Variants in RGS6 observed in about 807,000 individuals in gnomAD.
RGS6 encodes the protein regulator of G-protein signaling 6.
A neutral mutation model predicts 78.5 loss-of-function variants in RGS6; 30 were observed. The ratio of observed to expected loss-of-function variants is 0.38; its 90% confidence interval spans 0.29 to 0.52. RGS6 has a LOEUF of 0.52. Among genes scored for constraint, RGS6 ranks in the 20% least tolerant of loss-of-function variants. The pLI is 0.85. For missense variants in RGS6, 495 were observed against 609.7 expected (o/e 0.81, Z 1.98); for synonymous variants, 206 against 206.0 (o/e 1.00, Z 0.00).
intron 3 of RGS6, among the ~76,000 whole-genome samples, chr14:72,352,988 A>C (rs2079430386): frequency 6.6e-6 from 1 of 152,220 alleles, no homozygotes; most frequent in South Asian, 2.1e-4. Flanking sequence ...GAACCAAAGG[A>C]CTTAGTTTTC....
At chr14:72,546,943 C>T (rs1046642582) in intron 17 of RGS6, among the ~76,000 whole-genome samples, 14 of 152,194 alleles carry the variant, frequency 9.2e-5, no homozygotes, top group Non-Finnish European at 1.6e-4. Context: ...GGTGCTCTCA[C>T]TTTACAAGCG....
At chr14:72,033,761 G>A (rs923361311) in intron 2 of RGS6, among the ~76,000 whole-genome samples, 2 of 152,130 alleles carry the variant, frequency 1.3e-5, no homozygotes, top group African/African-American at 4.8e-5. Flanking sequence ...ATATCTAAGG[G>A]CAGGATTGCT....
chr14:72,520,532 C>A (rs1167264148), intron 15 of RGS6, among the ~76,000 whole-genome samples: 3 of 152,212 alleles, frequency 2.0e-5, no homozygotes, highest in African/African-American at 7.2e-5. Context: ...TACAAAACAA[C>A]AACGTACTAA....
chr14:72,409,691 C>G (rs918819222), intron 3 of RGS6, among the ~76,000 whole-genome samples: 2 of 151,994 alleles, frequency 1.3e-5, no homozygotes, highest in Admixed American at 1.3e-4. Flanking sequence ...TTAGGTATAT[C>G]TCTCAGTGCT....
Position 71,971,006 on chromosome 14 carries a change from C to T in RGS6, c.84+6131C>T, listed in dbSNP as rs111615093. Among the ~76,000 whole-genome samples, 1,087 of 152,194 alleles carry T rather than the reference C, an allele frequency of 7.1e-3. 15 individuals carry two copies. The highest frequency in any genetic ancestry group is 0.025 in the African/African-American group (1,028 of 41,504). The stretch of plus-strand genomic sequence containing the variant: ...CTGTAAAAGAGCAGATTTGTGATGT[C>T]GTATACCGAGTTCAGGAGACTTTAA... On this transcript the variant is annotated intron_variant, in intron 2 of 17. Coordinates refer to ENST00000553525, the MANE Select transcript of RGS6 (RefSeq NM_001204424.2).
intron 2 of RGS6, among the ~76,000 whole-genome samples, chr14:72,137,320 A>G (rs114976684): frequency 3.9e-5 from 6 of 152,168 alleles, no homozygotes; most frequent in African/African-American, 9.7e-5. Context: ...GGAGAAACCA[A>G]ACTGCTTTTT....
chr14:72,137,301 T>G (rs2096459755), intron 2 of RGS6, among the ~76,000 whole-genome samples: 1 of 152,182 alleles, frequency 6.6e-6, no homozygotes, highest in African/African-American at 2.4e-5. Context: ...AACCCTATTG[T>G]AAGAGACAGG....
At chr14:71,956,330 AGTGTGTGT>A (rs113351320) in intron 1 of RGS6, among the ~76,000 whole-genome samples, 9 of 74,356 alleles carry the variant, frequency 1.2e-4, no homozygotes, top group Admixed American at 6.7e-4. Context: ...CAGAACTAAT[AGTGTGTGT>A]GTGTGTGTGT....
At chr14:72,446,324 A>G (rs1238303586) in intron 3 of RGS6, among the ~76,000 whole-genome samples, 1 of 152,222 alleles carries the variant, frequency 6.6e-6, no homozygotes, top group Non-Finnish European at 1.5e-5. Context: ...GCAAACTAAT[A>G]TAGAAGAGGA....
intron 17 of RGS6, among the ~76,000 whole-genome samples, chr14:72,561,541 C>T (rs192349174): frequency 3.3e-5 from 5 of 152,328 alleles, no homozygotes; most frequent in East Asian, 1.9e-4. Context: ...GCTCGTGCCC[C>T]TCACCCTCCT....
chr14:72,530,638 C>T (rs1191830280), intron 15 of RGS6, among the ~76,000 whole-genome samples: 1 of 152,170 alleles, frequency 6.6e-6, no homozygotes, highest in Non-Finnish European at 1.5e-5. Flanking sequence ...TTGCAGTGAG[C>T]CAAGATCACA....
chr14:71,870,159 G>A, the RGS6 span, among the ~76,000 whole-genome samples: 3 of 151,990 alleles, frequency 2.0e-5, no homozygotes, highest in African/African-American at 4.8e-5. Flanking sequence ...GTGGCCAATC[G>A]TGTATGACCA....
At chr14:72,008,572 C>T (rs533155354) in intron 2 of RGS6, among the ~76,000 whole-genome samples, 6 of 152,182 alleles carry the variant, frequency 3.9e-5, no homozygotes, top group East Asian at 3.9e-4. Flanking sequence ...GATGGTATGT[C>T]GCTCTCAATA....
intron 3 of RGS6, chr14:72,421,561 T>C (rs1291388539): frequency 1.3e-5 from 2 of 152,044 alleles, no homozygotes; most frequent in Non-Finnish European, 2.9e-5. Context: ...TGACTGTGAA[T>C]TGAATATGTG....
At chr14:72,469,942 C>A in intron 7 of RGS6, 65 bp from the exon 8 acceptor site, 1 of 1,146,444 alleles carries the variant, frequency 8.7e-7, no homozygotes, top group Non-Finnish European at 1.3e-6. Context: ...TTATAATAAG[C>A]ATAGGTGTCG....
At chr14:71,998,211 CATT>C (rs2082747613) in intron 2 of RGS6, among the ~76,000 whole-genome samples, 1 of 152,152 alleles carries the variant, frequency 6.6e-6, no homozygotes, top group Non-Finnish European at 1.5e-5. Flanking sequence ...CAAACAGTTG[CATT>C]ATTTTGAGTT....
chr14:72,550,747 C>A, intron 17 of RGS6: 1 of 931,922 alleles, frequency 1.1e-6, no homozygotes, highest in Non-Finnish European at 1.5e-6. Flanking sequence ...ATGGAGGTTT[C>A]CTTGGTAGTG....
intron 3 of RGS6, among the ~76,000 whole-genome samples, chr14:72,408,150 T>C (rs11626273): frequency 0.13 from 20,499 of 152,164 alleles, 2,202 homozygotes; most frequent in East Asian, 0.39. Flanking sequence ...AGAGTCCTTT[T>C]CTGTTGTTAC....
chr14:71,997,022 A>G (rs1044031335), intron 2 of RGS6, among the ~76,000 whole-genome samples: 1 of 152,156 alleles, frequency 6.6e-6, no homozygotes, highest in African/African-American at 2.4e-5. Flanking sequence ...CAGGAAATGG[A>G]TTGGAGAGGA....
Sources: allele counts gnomAD v4.1 joint callset (sites outside exome capture counted in the v4.1 genomes callset), GRCh38; gene constraint gnomAD v4.1.1; transcripts MANE v1.5; gene names NCBI Gene and HGNC (gene_info 2026-07-23, HGNC 2026-07-21).